Variants in AMMECR1 observed in about 807,000 individuals in gnomAD.
AMMECR1 encodes AMMECR nuclear protein 1.
AMMECR1 carries 3 observed loss-of-function variants against 22.5 expected under a neutral mutation model. That is an observed-to-expected ratio of 0.13 (90% confidence interval 0.06 to 0.35). The LOEUF is 0.35. Ranked by LOEUF, AMMECR1 falls within the 10% of genes least tolerant of loss-of-function variation. AMMECR1 has a pLI of 1.00. For synonymous variants in AMMECR1, 130 were observed against 116.7 expected, an observed-to-expected ratio of 1.11 and a Z score of -0.74; for missense variants, 235 against 278.7, an observed-to-expected ratio of 0.84 and a Z score of 1.12.
At chrX:110,220,936 G>A (rs1017974077) in intron 2 of AMMECR1, among the ~76,000 whole-genome samples, 1 of 112,439 alleles carries the variant, frequency 8.9e-6, no homozygotes, top group Non-Finnish European at 1.9e-5. Context: ...CAAAACCTTA[G>A]ATATTACAAG....
chrX:110,237,151 C>T (rs770506890), intron 2 of AMMECR1, among the ~76,000 whole-genome samples: 1 of 111,416 alleles, frequency 9.0e-6, no homozygotes, highest in Non-Finnish European at 1.9e-5. Context: ...GCTTTTCTCA[C>T]CTTCTTATAA....
chrX:110,428,883 C>G (rs1041133214), intron 1 of AMMECR1, among the ~76,000 whole-genome samples: 1 of 112,316 alleles, frequency 8.9e-6, no homozygotes, highest in African/African-American at 3.2e-5. Flanking sequence ...GAGCATTAAA[C>G]CAAGCATAGG....
chrX:110,383,376 C>T (rs2068433741), intron 2 of AMMECR1, among the ~76,000 whole-genome samples: 1 of 111,439 alleles, frequency 9.0e-6, no homozygotes, highest in Non-Finnish European at 1.9e-5. Context: ...AGGAAAGGGG[C>T]CTTTTTCCAA....
chrX:110,426,034 C>T (rs1437223073), intron 2 of AMMECR1, among the ~76,000 whole-genome samples: 1 of 111,858 alleles, frequency 8.9e-6, no homozygotes, highest in Non-Finnish European at 1.9e-5. Flanking sequence ...CCTGCATGGC[C>T]CTTGCTCTCC....
intron 3 of AMMECR1, among the ~76,000 whole-genome samples, chrX:110,207,867 GCTCGA>G (rs1470153960): frequency 3.6e-5 from 4 of 111,379 alleles, no homozygotes; most frequent in Non-Finnish European, 5.7e-5. Context: ...AGGCAGAGTG[GCTCGA>G]GCCTGTTGTC....
At chrX:110,438,252 G>A (rs1468218313) in intron 1 of AMMECR1, among the ~76,000 whole-genome samples, 1 of 111,421 alleles carries the variant, frequency 9.0e-6, no homozygotes, top group Non-Finnish European at 1.9e-5. Flanking sequence ...TTTAACTGAT[G>A]CCAAAGCCCT....
chrX:110,208,553 A>G (rs1344893962), intron 3 of AMMECR1, among the ~76,000 whole-genome samples: 1 of 112,073 alleles, frequency 8.9e-6, no homozygotes, highest in Non-Finnish European at 1.9e-5. Flanking sequence ...CTACTTGTCT[A>G]TCAGGAACAA....
At chrX:110,290,524 C>T (rs1346793578) in intron 1 of AMMECR1, among the ~76,000 whole-genome samples, 1 of 111,676 alleles carries the variant, frequency 9.0e-6, no homozygotes, top group Non-Finnish European at 1.9e-5. Flanking sequence ...AAGTACATTT[C>T]CATTCTTGTG....
At chrX:110,431,789 T>A (rs1333295231) in intron 1 of AMMECR1, among the ~76,000 whole-genome samples, 1 of 111,983 alleles carries the variant, frequency 8.9e-6, no homozygotes, top group African/African-American at 3.3e-5. Context: ...GGGGAAGTCA[T>A]TGCTGAAGAC....
At chrX:110,241,678 G>T (rs1260144618) in intron 2 of AMMECR1, among the ~76,000 whole-genome samples, 1 of 108,726 alleles carries the variant, frequency 9.2e-6, no homozygotes. Flanking sequence ...GGGCCTAGGG[G>T]AGGGATAGCA....
Position 110,317,583 on chromosome X carries a change from AG to A in AMMECR1, c.473+15del. 8.7e-7 allele frequency: 1 copy of A among 1,150,402 alleles called. No individual in the cohort carries two copies. The highest frequency in any genetic ancestry group is 1.2e-6 in the Non-Finnish European group (1 of 863,077). The allele number at this position is 1,150,402 out of a possible 1,213,427, so 94.8% of individuals were successfully genotyped here. A position where few individuals can be genotyped will look rare whatever the true frequency, so the allele number is the denominator to read the frequency against. On this transcript the variant is annotated intron_variant, in intron 1 of 5. Coordinates refer to ENST00000262844, the MANE Select transcript of AMMECR1 (RefSeq NM_015365.3). ...CCGAGCGCAAGGGAGAGGGCGGCGG[AG>A]GGCACGGTACTCACTAGGGCTCGTT...
chrX:110,204,702 G>GT (rs2148164062), intron 3 of AMMECR1, among the ~76,000 whole-genome samples: 1 of 111,778 alleles, frequency 8.9e-6, no homozygotes, highest in Admixed American at 9.5e-5. Flanking sequence ...TTAATGTCTA[G>GT]TAATTTAATA....
intron 3 of AMMECR1, among the ~76,000 whole-genome samples, chrX:110,207,250 G>A (rs1474605665): frequency 9.0e-6 from 1 of 111,428 alleles, no homozygotes; most frequent in Non-Finnish European, 1.9e-5. Context: ...AAAACTATGT[G>A]CTATATCTCC....
chrX:110,382,748 G>T (rs932094946), intron 2 of AMMECR1, among the ~76,000 whole-genome samples: 1 of 111,694 alleles, frequency 9.0e-6, no homozygotes, highest in Non-Finnish European at 1.9e-5. Flanking sequence ...ACCCCAGAAG[G>T]GTTGCCTGAA....
chrX:110,303,522 G>C (rs1476752154), intron 1 of AMMECR1, among the ~76,000 whole-genome samples: 1 of 112,131 alleles, frequency 8.9e-6, no homozygotes, highest in African/African-American at 3.2e-5. Context: ...CCTCTGTGTG[G>C]TCTGTACTAA....
intron 2 of AMMECR1, among the ~76,000 whole-genome samples, chrX:110,263,931 G>A (rs1223703866): frequency 8.9e-6 from 1 of 111,929 alleles, no homozygotes; most frequent in Non-Finnish European, 1.9e-5. Flanking sequence ...TTAAACAACT[G>A]TAATGAGGAA....
At chrX:110,236,952 A>G (rs1360504154) in intron 2 of AMMECR1, among the ~76,000 whole-genome samples, 1 of 111,784 alleles carries the variant, frequency 8.9e-6, no homozygotes, top group Non-Finnish European at 1.9e-5. Flanking sequence ...CTATAAATAG[A>G]TAAAAACATA....
At chrX:110,355,713 A>G (rs1166646590) in intron 2 of AMMECR1, among the ~76,000 whole-genome samples, 1 of 111,991 alleles carries the variant, frequency 8.9e-6, no homozygotes, top group Non-Finnish European at 1.9e-5. Flanking sequence ...CGTATGATAC[A>G]GCAATGTCAC....
Position 110,255,187 on chromosome X carries a change from T to C in AMMECR1, c.584+9302A>G, listed in dbSNP as rs192640685. ...ACCACATTGTTTTGGGTACTTTTAA[T>C]GTAGCACGTTTCATATGCTGAAATG... On this transcript the variant is annotated intron_variant, in intron 2 of 5. Coordinates refer to ENST00000262844, the MANE Select transcript of AMMECR1 (RefSeq NM_015365.3). Among the ~76,000 whole-genome samples, 5 of 112,573 alleles carry C rather than the reference T, an allele frequency of 4.4e-5. No individual in the cohort carries two copies. The East Asian group carries it at 1.4e-3, about 31-fold the overall frequency.
Sources: gnomAD v4.1 joint callset for allele counts (sites outside exome capture counted in the v4.1 genomes callset) on GRCh38, gnomAD v4.1.1 for gene constraint, MANE v1.5 for transcripts, NCBI Gene and HGNC (gene_info 2026-07-23, HGNC 2026-07-21) for gene names.